The following CNOT2 variants were observed in gnomAD, a reference collection of about 807,000 sequenced individuals.
The protein encoded by CNOT2 is CCR4-NOT transcription complex subunit 2, also known as CC chemokine receptor 4-negative regulator of transcription 2.
A neutral mutation model predicts 72.1 loss-of-function variants in CNOT2; 7 were observed. The ratio of observed to expected loss-of-function variants is 0.10; its 90% CI spans 0.06 to 0.18. The LOEUF is 0.18. Ranked by LOEUF, CNOT2 falls within the 10% of genes least tolerant of loss-of-function variation. CNOT2 has a pLI of 1.00. For missense variants in CNOT2, 345 were observed against 660.3 expected (o/e 0.52, Z 5.23); for synonymous variants, 196 against 225.6 (o/e 0.87, Z 1.17).
intron 1 of CNOT2, among the ~76,000 whole-genome samples, chr12:70,261,301 CTTTCTT>C (rs1958740263): frequency 1.2e-5 from 1 of 81,896 alleles, no homozygotes; most frequent in African/African-American, 4.5e-5. Flanking sequence ...TATTTTCTTT[CTTTCTT>C]TTTTTTTTTT....
Position 70,295,485 on chromosome 12 carries a change from C to G in CNOT2, c.49-15410C>G, listed in dbSNP as rs562886136. Among the ~76,000 whole-genome samples, 35 of 152,224 alleles carry G rather than the reference C, an allele frequency of 2.3e-4. 2 individuals are homozygous for G. In the South Asian group the frequency reaches 6.2e-3, roughly 27 times the overall value. On this transcript the variant is annotated intron_variant, in intron 2 of 15. Transcript: ENST00000229195. Reference sequence around the variant, plus strand: ...CTTCCTCCCTCTTTATCAGACCCATCTTTGCCTACCGTCTTTTAAGGATTT... The same window carrying G: ...CTTCCTCCCTCTTTATCAGACCCATGTTTGCCTACCGTCTTTTAAGGATTT...
intron 1 of CNOT2, among the ~76,000 whole-genome samples, chr12:70,275,179 A>C (rs1032467307): frequency 6.6e-6 from 1 of 152,156 alleles, no homozygotes; most frequent in East Asian, 1.9e-4. Flanking sequence ...TATACTTTAA[A>C]TATATTGAAC....
intron 1 of CNOT2, among the ~76,000 whole-genome samples, chr12:70,246,594 G>T (rs17107858): frequency 0.027 from 4,094 of 152,232 alleles, 117 homozygotes; most frequent in African/African-American, 0.059. Context: ...GTTTCTACCT[G>T]TGATACTTAA....
At chr12:70,284,556 T>C (rs1002711643) in intron 2 of CNOT2, among the ~76,000 whole-genome samples, 3 of 150,992 alleles carry the variant, frequency 2.0e-5, no homozygotes, top group Admixed American at 1.3e-4. Context: ...TAATCTAAAT[T>C]TTTAAAAATA....
At chr12:70,306,092 A>G (rs193123021) in intron 2 of CNOT2, among the ~76,000 whole-genome samples, 2 of 152,170 alleles carry the variant, frequency 1.3e-5, no homozygotes, top group Admixed American at 1.3e-4. Flanking sequence ...TCTGAGACCA[A>G]TTCCTTTTGG....
At chr12:70,246,630 T>C (rs964388583) in intron 1 of CNOT2, among the ~76,000 whole-genome samples, 1 of 152,204 alleles carries the variant, frequency 6.6e-6, no homozygotes, top group Non-Finnish European at 1.5e-5. Flanking sequence ...CTGTGACTTA[T>C]ATCAGATATT....
intron 15 of CNOT2, among the ~76,000 whole-genome samples, chr12:70,350,063 C>G (rs577589263): frequency 6.6e-6 from 1 of 151,914 alleles, no homozygotes; most frequent in African/African-American, 2.4e-5. Flanking sequence ...TACTCATTAA[C>G]TTTTTAGCAG....
chr12:70,245,651 G>A (rs923629127), intron 1 of CNOT2, among the ~76,000 whole-genome samples: 3 of 152,096 alleles, frequency 2.0e-5, no homozygotes, highest in Non-Finnish European at 2.9e-5. Flanking sequence ...CAAAATGCTT[G>A]TGTATGAGTG....
At chr12:70,273,454 A>G (rs1039776012) in intron 1 of CNOT2, among the ~76,000 whole-genome samples, 1 of 152,104 alleles carries the variant, frequency 6.6e-6, no homozygotes, top group Admixed American at 6.6e-5. Context: ...CTAAACCATG[A>G]ACTAGACCAT....
At chr12:70,351,172 A>G (rs1044257961) in intron 15 of CNOT2, among the ~76,000 whole-genome samples, 2 of 152,162 alleles carry the variant, frequency 1.3e-5, no homozygotes, top group Admixed American at 6.5e-5. Flanking sequence ...TCATTTGATA[A>G]TATTAGAAAA....
intron 1 of CNOT2, among the ~76,000 whole-genome samples, chr12:70,257,659 G>A (rs762978864): frequency 1.3e-5 from 2 of 151,962 alleles, no homozygotes; most frequent in South Asian, 2.1e-4. Context: ...GAGCCACCGC[G>A]CCCGGCCCCA....
intron 2 of CNOT2, chr12:70,294,030 A>C (rs889202825): frequency 3.2e-6 from 3 of 941,910 alleles, no homozygotes; most frequent in Non-Finnish European, 4.5e-6. Flanking sequence ...TTGAAACTGG[A>C]CATTCAGATC....
intron 7 of CNOT2, 56 bp from the exon 8 acceptor site, chr12:70,335,382 A>G (rs942682806): frequency 1.5e-6 from 2 of 1,330,276 alleles, no homozygotes; most frequent in Admixed American, 3.5e-5. Context: ...TGGTTTTTAT[A>G]ATCTCTTAAA....
chr12:70,247,637 C>G (rs547161460), intron 1 of CNOT2, among the ~76,000 whole-genome samples: 13 of 152,142 alleles, frequency 8.5e-5, no homozygotes, highest in Non-Finnish European at 1.6e-4. Flanking sequence ...TTGCTTTTTA[C>G]TCTTCAAACT....
chr12:70,337,339 A>G, intron 8 of CNOT2, 50 bp from the exon 9 acceptor site: 5 of 1,516,498 alleles, frequency 3.3e-6, no homozygotes, highest in Non-Finnish European at 4.6e-6. Context: ...ATCTGTAGCA[A>G]AATATCATAA....
chr12:70,301,601 A>T (rs1429878553), intron 2 of CNOT2: 1 of 151,838 alleles, frequency 6.6e-6, no homozygotes, highest in African/African-American at 2.4e-5. Context: ...AAGCTTTTTG[A>T]TGTGCTGCTG....
chr12:70,284,159 T>C (rs946851035), intron 2 of CNOT2, among the ~76,000 whole-genome samples: 1 of 151,996 alleles, frequency 6.6e-6, no homozygotes, highest in Non-Finnish European at 1.5e-5. Context: ...TTGGTCAGGC[T>C]GGTCTCGAAC....
Position 70,310,905 on chromosome 12 carries a change from G to A in CNOT2, c.59G>A (p.Ser20Asn), listed in dbSNP as rs1876340044. The A allele has an allele frequency of 1.2e-5, 20 of 1,611,430 alleles. No individual in the cohort carries two copies. The highest frequency in any genetic ancestry group is 1.6e-5 in the Non-Finnish European group (19 of 1,178,248). Residue 20 changes from serine to asparagine, a missense_variant, in exon 3 of 16, where the codon AGC becomes AAC. Physicochemically the swap from Ser to Asn is conservative, Grantham distance 46 (BLOSUM62 1). Coordinates refer to ENST00000229195, the MANE Select transcript of CNOT2 (RefSeq NM_014515.7). ...AATATTTTTGTTTAGGTGACAAACA[G>A]CATGTTTGGTGCTTCAAGAAAGAAG... is the stretch of plus-strand genomic sequence containing the variant. The part of the protein sequence containing the change: ...SEKRNYQVTN[S>N]MFGASRKKFV...
chr12:70,269,048 T>C (rs1959170936), intron 1 of CNOT2, among the ~76,000 whole-genome samples: 1 of 152,220 alleles, frequency 6.6e-6, no homozygotes, highest in South Asian at 2.1e-4. Context: ...CTTTCCCTAA[T>C]AACTTTTTGG....
Sources: gnomAD v4.1 joint callset for allele counts (sites outside exome capture counted in the v4.1 genomes callset) on GRCh38, gnomAD v4.1.1 for gene constraint, MANE v1.5 for transcripts, NCBI Gene and HGNC (gene_info 2026-07-23, HGNC 2026-07-21) for gene names.